The following VWA5B2 variants were observed in gnomAD, a reference collection of about 807,000 sequenced individuals.
VWA5B2 encodes von Willebrand factor A domain containing 5B2, also known as von Willebrand factor A domain-containing protein 5B2.
A neutral mutation model predicts 118.5 loss-of-function variants in VWA5B2; 93 were observed. The observed-to-expected ratio is 0.79, with a 90% CI of 0.66 to 0.93. The LOEUF (loss-of-function observed/expected upper bound fraction) is 0.93. Ranked by LOEUF, VWA5B2 falls within the 40% of genes least tolerant of loss-of-function variation. VWA5B2 has a pLI of 0.00. For synonymous variants in VWA5B2, 708 were observed against 716.3 expected (o/e 0.99, Z 0.19); for missense variants, 1,546 against 1,672.8 (o/e 0.92, Z 1.32).
chr3:184,232,425 A>G (rs1389729551), intron 3 of VWA5B2, among the ~76,000 whole-genome samples: 1 of 152,136 alleles, frequency 6.6e-6, no homozygotes, highest in Non-Finnish European at 1.5e-5. Context: ...CTTTCCTTCC[A>G]TCTTTTTCTT....
Position 184,234,293 on chromosome 3 carries a change from G to A in VWA5B2, c.716G>A (p.Arg239Gln), listed in dbSNP as rs1222834674. 3.2e-6 allele frequency: 5 copies of A among 1,551,500 alleles called. No individual in the cohort carries two copies. The highest frequency in any genetic ancestry group is 2.7e-5 in the African/African-American group (2 of 73,038). The change falls in exon 6 of 20, where the codon CGG becomes CAG. Residue 239 changes from arginine (R) to glutamine (Q), a missense_variant. Physicochemically the swap from Arg to Gln is conservative, Grantham distance 43. Coordinates refer to ENST00000691901, the MANE Select transcript of VWA5B2 (RefSeq NM_001390846.1). The part of the protein sequence containing the change: ...AGLESPSHAL[R>Q]ADAPPHASSA... Reference sequence around the variant, plus strand: ...CTGGAGAGCCCCTCTCATGCTCTGCGGGCAGATGCCCCCCCTCATGCCAGC... The same window carrying A: ...CTGGAGAGCCCCTCTCATGCTCTGCAGGCAGATGCCCCCCCTCATGCCAGC...
In VWA5B2 at chr3:184,238,513, G is replaced by A. The variant is rs766278209; in HGVS notation, c.1891+39G>A. 1 of 1,535,244 alleles carries A rather than the reference G, an allele frequency of 6.5e-7. No homozygotes were observed. Among genetic ancestry groups the A allele is most frequent in the South Asian group, 1.2e-5 (1 of 83,002 alleles). On this transcript the variant is annotated intron_variant, in intron 13 of 19. Transcript: ENST00000691901. The surrounding 1 kb of genome is among the most constrained non-coding windows in gnomAD (Gnocchi z 5.0). ...TGTATGTGTGTGGCTGTATTGGAGTGGGCGCTGGGAGGGGTCAGGGCTAGG... is the reference window on the plus strand; with the variant it reads ...TGTATGTGTGTGGCTGTATTGGAGTAGGCGCTGGGAGGGGTCAGGGCTAGG...
chr3:184,232,872 G>T, intron 3 of VWA5B2: 1 of 436,008 alleles, frequency 2.3e-6, no homozygotes, highest in Non-Finnish European at 4.1e-6. Flanking sequence ...AGGGGGAGAG[G>T]GGCAGAGGGT....
Position 184,233,684 on chromosome 3 carries a change from A to T in VWA5B2, c.639A>T (p.Pro213=). ...CAGGCCCTGCCCGCTGCCCTGCCCC[A>T]TATACCTTCTCCTTCGAGATGCTGG... ...VFSGPARCPA[P]YTFSFEMLVT... The change falls in exon 5 of 20, where the codon CCA becomes CCT. Residue 213 remains proline (P), a synonymous_variant. Coordinates refer to ENST00000691901, the MANE Select transcript of VWA5B2 (RefSeq NM_001390846.1). The surrounding 1 kb of genome is among the most constrained non-coding windows in gnomAD (Gnocchi z 5.2). The T allele has an allele frequency of 6.4e-7, 1 of 1,551,242 alleles. No individual in the cohort carries two copies. The highest frequency in any genetic ancestry group is 8.7e-7 in the Non-Finnish European group (1 of 1,146,990).
In VWA5B2 at chr3:184,233,373, G is replaced by C; in HGVS notation, c.506G>C (p.Arg169Thr). The change falls in exon 4 of 20, where the codon AGG becomes ACG. Residue 169 changes from arginine to threonine, a missense_variant. Coordinates refer to ENST00000691901, the MANE Select transcript of VWA5B2 (RefSeq NM_001390846.1). The surrounding 1 kb of genome is among the most constrained non-coding windows in gnomAD (Gnocchi z 5.2). ...LAPPGPPGPP[R>T]PPGLCDDSPT... is the part of the protein sequence containing the mutation. ...CCGCCAGGCCCGCCGGGGCCCCCCA[G>C]GCCTCCGGGGCTCTGTGACGACAGG... 6.5e-7 allele frequency: 1 copy of C among 1,538,574 alleles called. No individual in the cohort carries two copies. Among genetic ancestry groups the C allele is most frequent in the Non-Finnish European group, 8.8e-7 (1 of 1,142,250 alleles).
Position 184,234,761 on chromosome 3 carries a change from G to T in VWA5B2, c.945+6G>T, listed in dbSNP as rs199961580. 6.4e-7 allele frequency: 1 copy of T among 1,551,120 alleles called. No homozygotes were observed. The highest frequency in any genetic ancestry group is 8.7e-7 in the Non-Finnish European group (1 of 1,146,954). On this transcript the variant is annotated splice_donor_region_variant and intron_variant, in intron 7 of 19. Coordinates refer to ENST00000691901, the MANE Select transcript of VWA5B2 (RefSeq NM_001390846.1). ...ACAGTGATGGGGACCGGCAGGTACC[G>T]CCATAGGAGCCTGGCCTGGCCCCTG...
At position 184,241,845 on chromosome 3, in the gene VWA5B2, G is replaced by C; in HGVS notation, c.3536G>C (p.Arg1179Pro). 6.5e-7 allele frequency: 1 copy of C among 1,537,922 alleles called. No individual in the cohort carries two copies. Among genetic ancestry groups the C allele is most frequent in the Non-Finnish European group, 8.7e-7 (1 of 1,142,948 alleles). ...GTAGCACTCGCCTGGCTGGAGCACC[G>C]ATGCGCCGCTGCCTTCGACGAGTGG... ...TAVALAWLEH[R>P]CAAAFDEWEL... Residue 1179 changes from arginine to proline, a missense_variant, in exon 20 of 20, where the codon CGA (arginine) becomes CCA (proline). Coordinates refer to ENST00000691901, the MANE Select transcript of VWA5B2 (RefSeq NM_001390846.1). This position sits in a 1 kb window ranked among gnomAD's most constrained non-coding sequence, Gnocchi z 5.1.
Position 184,242,295 on chromosome 3 carries a change from T to A in VWA5B2, c.*257T>A, listed in dbSNP as rs1306446891. On this transcript the variant is annotated 3_prime_UTR_variant, in exon 20 of 20. Coordinates refer to ENST00000691901, the MANE Select transcript of VWA5B2 (RefSeq NM_001390846.1). ...ACAGTGGAAGGGTAGAGAGCCACAG[T>A]CCCCAAATCCTATGCAATAAAGTGC... 1.3e-6 allele frequency: 1 copy of A among 749,576 alleles called. No individual in the cohort carries two copies. Among genetic ancestry groups the A allele is most frequent in the Admixed American group, 2.1e-5 (1 of 48,552 alleles). 46.4% of individuals were successfully genotyped at this position (749,576 alleles called of 1,614,324 possible).
intron 10 of VWA5B2, 39 bp from the exon 11 acceptor site, chr3:184,236,599 G>T: frequency 6.5e-7 from 1 of 1,547,896 alleles, no homozygotes; most frequent in Non-Finnish European, 8.7e-7. Flanking sequence ...CCCCACAAGG[G>T]GCTCCTGAAG....
chr3:184,230,705 C>T, intron 2 of VWA5B2, 38 bp downstream of exon 2: 1 of 1,225,184 alleles, frequency 8.2e-7, no homozygotes, highest in Non-Finnish European at 1.0e-6. Context: ...GCGGGGGGTG[C>T]GCCGGGCAGG....
chr3:184,240,420 T>C lies in VWA5B2; in HGVS notation c.2741-371T>C, dbSNP rs1438839627. 5 of 359,670 alleles carry C rather than the reference T, an allele frequency of 1.4e-5. No individual in the cohort carries two copies. The East Asian group carries it at 2.4e-4, about 17-fold the overall frequency. The allele number at this position is 359,670 out of a possible 1,614,324, so 22.3% of individuals were successfully genotyped here. A position where few individuals can be genotyped will look rare whatever the true frequency, so the allele number is the denominator to read the frequency against. ...TTTCCTCAGTTGCACTAACCACAGC[T>C]GAAGTACTCAATAGTCAAATGTGAC... On this transcript the variant is annotated intron_variant, in intron 16 of 19. Transcript: ENST00000691901.
intron 3 of VWA5B2, 30 bp downstream of exon 3, chr3:184,230,947 C>G (rs977069472): frequency 1.7e-6 from 2 of 1,209,878 alleles, no homozygotes. Flanking sequence ...ACCCGCGCTC[C>G]TGAAAGCCGG....
rs1717314895 is a variant in VWA5B2 at position 184,230,832 on chromosome 3, G to A, written c.225G>A (p.Leu75=). 8.0e-7 allele frequency: 1 copy of A among 1,251,220 alleles called. No individual in the cohort carries two copies. The highest frequency in any genetic ancestry group is 1.0e-6 in the Non-Finnish European group (1 of 998,234). 77.5% of individuals were successfully genotyped at this position (1,251,220 alleles called of 1,614,324 possible). Residue 75 remains leucine (L), a synonymous_variant, in exon 3 of 20, where the codon CTG becomes CTA. Transcript: ENST00000691901. The part of the protein sequence containing the change: ...EAAGRRVSFQ[L]QSRRRSQAAC... ...CCGGACGGCGCGTCTCCTTCCAGCT[G>A]CAGAGCCGGCGCCGCTCGCAGGCCG...
chr3:184,239,420 G>A lies in VWA5B2; in HGVS notation c.2229G>A (p.Leu743=), dbSNP rs907633183. Residue 743 remains leucine, a synonymous_variant, in exon 15 of 20, where the codon CTG becomes CTA. Transcript: ENST00000691901. This position sits in a 1 kb window ranked among gnomAD's most constrained non-coding sequence, Gnocchi z 5.1. ...FKVGALSTEV[L]GRQHRAALAG... is the part of the protein sequence containing the mutation. Reference sequence around the variant, plus strand: ...TGGGGGCCTTGAGTACTGAGGTGCTGGGCCGTCAGCACAGAGCGGCTCTGG... The same window carrying A: ...TGGGGGCCTTGAGTACTGAGGTGCTAGGCCGTCAGCACAGAGCGGCTCTGG... 8 of 1,546,686 alleles carry A rather than the reference G, an allele frequency of 5.2e-6. No homozygotes were observed. Among genetic ancestry groups the A allele is most frequent in the Non-Finnish European group, 7.0e-6 (8 of 1,144,158 alleles).
intron 3 of VWA5B2, among the ~76,000 whole-genome samples, chr3:184,232,294 G>GGCTCC (rs1283960492): frequency 1.3e-5 from 2 of 152,174 alleles, no homozygotes; most frequent in Non-Finnish European, 2.9e-5. Flanking sequence ...TGAGGAAACA[G>GGCTCC]GCTCCTCAGA....
chr3:184,234,343 C>G lies in VWA5B2; in HGVS notation c.766C>G (p.Leu256Val), dbSNP rs757263553. 3.8e-5 allele frequency: 59 copies of G among 1,551,642 alleles called. No homozygotes were observed. The highest frequency in any genetic ancestry group is 1.7e-4 in the Middle Eastern group (1 of 6,014). Residue 256 changes from leucine (L) to valine (V), a missense_variant, in exon 6 of 20, where the codon CTG becomes GTG. By Grantham distance (32) the Leu-to-Val change is conservative. Coordinates refer to ENST00000691901, the MANE Select transcript of VWA5B2 (RefSeq NM_001390846.1). ...ASSAATICVT[L>V]AEGHHCDRAL... Reference sequence around the variant, plus strand: ...CTCTGCAGCCACCATCTGTGTCACACTGGCAGAGGGCCACCACTGTGACCG... The same window carrying G: ...CTCTGCAGCCACCATCTGTGTCACAGTGGCAGAGGGCCACCACTGTGACCG...
chr3:184,235,446 A>G (rs1717873854), intron 8 of VWA5B2, 138 bp downstream of exon 8: 7 of 997,912 alleles, frequency 7.0e-6, no homozygotes, highest in Middle Eastern at 3.2e-4. Flanking sequence ...GCAGATGGCA[A>G]CTCCTCAGGG....
Position 184,233,603 on chromosome 3 carries a change from C to G in VWA5B2, c.558C>G (p.Ser186Arg). 6.4e-7 allele frequency: 1 copy of G among 1,550,982 alleles called. No homozygotes were observed. Among genetic ancestry groups the G allele is most frequent in the Non-Finnish European group, 8.7e-7 (1 of 1,146,852 alleles). ...DSPTSCFGVG[S>R]LQEEGLAWEE... is the part of the protein sequence containing the mutation. ...CCACCAGCTGCTTCGGGGTGGGCAG[C>G]CTTCAGGAGGAAGGGCTGGCCTGGG... is the stretch of plus-strand genomic sequence containing the variant. The change falls in exon 5 of 20, where the codon AGC (serine) becomes AGG (arginine). Residue 186 changes from serine (S) to arginine (R), a missense_variant. By Grantham distance (110) the Ser-to-Arg change is moderately radical (BLOSUM62 -1). Transcript: ENST00000691901. The surrounding 1 kb of genome is among the most constrained non-coding windows in gnomAD (Gnocchi z 5.2).
At position 184,238,703 on chromosome 3, in the gene VWA5B2, C is replaced by T; in HGVS notation, c.2032C>T (p.Pro678Ser). ...CTGCTCTGCCAGCCCCGAGCCAGGC[C>T]CAGGCTCCACAGGCAGCAGTGAGTC... ...THCSASPEPGPGSTGSSESPG... is the reference protein window; with the variant it reads ...THCSASPEPGSGSTGSSESPG... The change falls in exon 14 of 20, where the codon CCA becomes TCA. Residue 678 changes from proline to serine, a missense_variant. By Grantham distance (74) the Pro-to-Ser change is moderately conservative. Transcript: ENST00000691901. The surrounding 1 kb of genome is among the most constrained non-coding windows in gnomAD (Gnocchi z 5.0). 1 of 1,551,316 alleles carries T rather than the reference C, an allele frequency of 6.4e-7. No individual in the cohort carries two copies. Among genetic ancestry groups the T allele is most frequent in the Non-Finnish European group, 8.7e-7 (1 of 1,147,018 alleles).
Sources: allele counts gnomAD v4.1 joint callset (sites outside exome capture counted in the v4.1 genomes callset), GRCh38; gene constraint gnomAD v4.1.1; non-coding constraint Gnocchi (gnomAD v3.1); transcripts MANE v1.5; gene names NCBI Gene and HGNC (gene_info 2026-07-23, HGNC 2026-07-21).